The following INA variants were observed in gnomAD, a reference collection of about 807,000 sequenced individuals.
INA encodes alpha-internexin.
INA carries 35 observed loss-of-function variants against 40.1 expected under a neutral mutation model. The observed-to-expected ratio is 0.87, with a 90% CI of 0.67 to 1.16. INA has a LOEUF of 1.16. Ranked by LOEUF, INA falls within the 50% of genes most tolerant of loss-of-function variation. The pLI is 0.00. For missense variants in INA, 594 were observed against 686.7 expected (o/e 0.87, Z 1.51); for synonymous variants, 290 against 316.9 (o/e 0.92, Z 0.90).
intron 1 of INA, among the ~76,000 whole-genome samples, chr10:103,282,126 C>G (rs78247185): frequency 0.018 from 2,717 of 152,332 alleles, 88 homozygotes; most frequent in African/African-American, 0.058. Context: ...CAGCACACTT[C>G]CTTCTGAAAG....
At position 103,278,741 on chromosome 10, in the gene INA, C is replaced by T. The variant is rs2093066605; in HGVS notation, c.1065+465C>T. 6.6e-6 allele frequency among the ~76,000 whole-genome samples: 1 copy of T among 152,104 alleles called. No individual in the cohort carries two copies. The highest frequency in any genetic ancestry group is 1.5e-5 in the Non-Finnish European group (1 of 68,024). On this transcript the variant is annotated intron_variant, in intron 1 of 2. Coordinates refer to ENST00000369849, the MANE Select transcript of INA (RefSeq NM_032727.4). The surrounding 1 kb of genome is among the most constrained non-coding windows in gnomAD (Gnocchi z 4.9). ...CTGCTTCAGGGCTGAAGGAAGAATGCGATCCTGAACTGGGAAGAGTCCTAT... is the reference window on the plus strand; with the variant it reads ...CTGCTTCAGGGCTGAAGGAAGAATGTGATCCTGAACTGGGAAGAGTCCTAT...
intron 2 of INA, among the ~76,000 whole-genome samples, chr10:103,288,077 G>A (rs2093090620): frequency 6.6e-6 from 1 of 152,184 alleles, no homozygotes. Flanking sequence ...TGGCCAAGTG[G>A]AGTTGCAGGT....
In INA at chr10:103,288,457, A is replaced by C; in HGVS notation, c.1288A>C (p.Arg430=). The change falls in exon 3 of 3, where the codon AGA becomes CGA. Residue 430 remains arginine (R), a synonymous_variant. Coordinates refer to ENST00000369849, the MANE Select transcript of INA (RefSeq NM_032727.4). ...CAATCCAAGTTACCTGCTCCCACCTAGAATCCTCAGTGCTACAACCTCCAA... is the reference window on the plus strand; with the variant it reads ...CAATCCAAGTTACCTGCTCCCACCTCGAATCCTCAGTGCTACAACCTCCAA... The part of the protein sequence containing the change: ...LPNPSYLLPP[R]ILSATTSKVS... 6.2e-7 allele frequency: 1 copy of C among 1,614,134 alleles called. No homozygotes were observed. The highest frequency in any genetic ancestry group is 8.5e-7 in the Non-Finnish European group (1 of 1,180,036).
rs1337592387 is a variant in INA, at chr10:103,278,485, C to T, written c.1065+209C>T. 6.6e-6 allele frequency among the ~76,000 whole-genome samples: 1 copy of T among 152,194 alleles called. No homozygotes were observed. Among genetic ancestry groups the T allele is most frequent in the Non-Finnish European group, 1.5e-5 (1 of 68,042 alleles). ...CCTCATTTATGTCCCTGCCCCAGCC[C>T]TTCAAACAAAGAAGCCCTTAAATTT... On this transcript the variant is annotated intron_variant, in intron 1 of 2. Transcript: ENST00000369849. This position sits in a 1 kb window ranked among gnomAD's most constrained non-coding sequence, Gnocchi z 4.9.
intron 2 of INA, among the ~76,000 whole-genome samples, 199 bp from the exon 3 acceptor site, chr10:103,288,160 AG>A (rs74921257): frequency 7.6e-4 from 115 of 152,246 alleles, no homozygotes; most frequent in African/African-American, 2.5e-3. Flanking sequence ...CTGGTGCTGA[AG>A]GGGGGTGTGT....
In INA at chr10:103,277,889, C is replaced by T. The variant is rs533958856; in HGVS notation, c.678C>T (p.Phe226=). 6.5e-6 allele frequency: 10 copies of T among 1,550,262 alleles called. No individual in the cohort carries two copies. The highest frequency in any genetic ancestry group is 5.9e-5 in the Admixed American group (3 of 51,008). The change falls in exon 1 of 3, where the codon TTC becomes TTT. Residue 226 remains phenylalanine, a synonymous_variant. Transcript: ENST00000369849. This position sits in a 1 kb window ranked among gnomAD's most constrained non-coding sequence, Gnocchi z 5.6. The part of the protein sequence containing the change: ...KVESLLDELA[F]VRQVHDEEVA... ...AGTCGCTGCTGGACGAGCTGGCCTT[C>T]GTACGCCAGGTGCACGACGAGGAGG...
Position 103,278,244 on chromosome 10 carries a change from G to A in INA, c.1033G>A (p.Glu345Lys), listed in dbSNP as rs1373122482. Residue 345 changes from glutamate to lysine, a missense_variant, in exon 1 of 3, where the codon GAG (glutamate) becomes AAG (lysine). Glu to Lys is a moderately conservative substitution (Grantham distance 56). This residue lies in a region of INA where 379 missense variants were observed against 496.1 expected (regional missense o/e 0.76). Coordinates refer to ENST00000369849, the MANE Select transcript of INA (RefSeq NM_032727.4). This position sits in a 1 kb window ranked among gnomAD's most constrained non-coding sequence, Gnocchi z 4.9. ...SLERQILELE[E>K]RHSAEVAGYQ... ...GGAGAGGCAGATCCTGGAGCTGGAG[G>A]AGCGGCACAGTGCCGAGGTAGCTGG... The A allele has an allele frequency of 6.3e-7, 1 of 1,579,210 alleles. No homozygotes were observed. The highest frequency in any genetic ancestry group is 2.3e-5 in the East Asian group (1 of 42,950).
In INA at chr10:103,278,219, G is replaced by A; in HGVS notation, c.1008G>A (p.Leu336=). 6.3e-7 allele frequency: 1 copy of A among 1,598,078 alleles called. No individual in the cohort carries two copies. The change falls in exon 1 of 3, where the codon TTG becomes TTA. Residue 336 remains leucine (L), a synonymous_variant. Coordinates refer to ENST00000369849, the MANE Select transcript of INA (RefSeq NM_032727.4). The surrounding 1 kb of genome is among the most constrained non-coding windows in gnomAD (Gnocchi z 4.9). ...IEGLRGANES[L]ERQILELEER... ...GCCTGCGCGGGGCCAACGAGTCCTTGGAGAGGCAGATCCTGGAGCTGGAGG... is the reference window on the plus strand; with the variant it reads ...GCCTGCGCGGGGCCAACGAGTCCTTAGAGAGGCAGATCCTGGAGCTGGAGG...
rs750139852 is a variant in INA at position 103,277,626 on chromosome 10, G to A, written c.415G>A (p.Val139Ile). The A allele has an allele frequency of 1.9e-5, 28 of 1,479,480 alleles. No homozygotes were observed. The African/African-American group carries it at 3.8e-4, about 20-fold the overall frequency. The allele number at this position is 1,479,480 out of a possible 1,614,324, so 91.6% of individuals were successfully genotyped here. Reference protein sequence around the residue: ...LRQRHAEPSRVGELFQRELRD... With the variant: ...LRQRHAEPSRIGELFQRELRD... ...ACAGCGCCACGCTGAGCCGTCGCGC[G>A]TCGGCGAGCTCTTCCAGCGCGAGCT... The change falls in exon 1 of 3, where the codon GTC (valine) becomes ATC (isoleucine). Residue 139 changes from valine to isoleucine, a missense_variant. Val to Ile is a conservative substitution (Grantham distance 29, BLOSUM62 3). Transcript: ENST00000369849. This position sits in a 1 kb window ranked among gnomAD's most constrained non-coding sequence, Gnocchi z 5.6.
rs181412560 is a variant in INA, at chr10:103,286,888, G to A, written c.1066-147G>A. ...CCCAGAACCAGTGAATCTGGATCTG[G>A]ACTCAGGGACAGACCTGGATATAAG... On this transcript the variant is annotated intron_variant, in intron 1 of 2. Transcript: ENST00000369849. 4 of 704,690 alleles carry A rather than the reference G, an allele frequency of 5.7e-6. No individual in the cohort carries two copies. In the South Asian group the frequency reaches 6.9e-5, roughly 12 times the overall value. 43.7% of individuals were successfully genotyped at this position (704,690 alleles called of 1,614,324 possible). A position where few individuals can be genotyped will look rare whatever the true frequency, so the allele number is the denominator to read the frequency against.
chr10:103,283,625 C>T (rs2093077433), intron 1 of INA, among the ~76,000 whole-genome samples: 1 of 152,116 alleles, frequency 6.6e-6, no homozygotes, highest in Non-Finnish European at 1.5e-5. Flanking sequence ...GAAGTTTGTA[C>T]CCCCTGATGT....
chr10:103,280,064 G>T, intron 1 of INA: 1 of 1,246,904 alleles, frequency 8.0e-7, no homozygotes, highest in Non-Finnish European at 1.0e-6. Flanking sequence ...GCTTGTTATA[G>T]CCCATACATT....
At position 103,277,422 on chromosome 10, in the gene INA, G is replaced by A. The variant is rs756576893; in HGVS notation, c.211G>A (p.Ala71Thr). ...GLGLAYRRPP[A>T]SDGLDLSQAA... ...CGGCCTGGCCTATCGCCGGCCGCCG[G>A]CGTCCGACGGGCTGGACCTGAGCCA... is the stretch of plus-strand genomic sequence containing the variant. The change falls in exon 1 of 3, where the codon GCG (alanine) becomes ACG (threonine). Residue 71 changes from alanine to threonine, a missense_variant. Transcript: ENST00000369849. This position sits in a 1 kb window ranked among gnomAD's most constrained non-coding sequence, Gnocchi z 5.6. 2.6e-6 allele frequency: 4 copies of A among 1,562,160 alleles called. No individual in the cohort carries two copies. Among genetic ancestry groups the A allele is most frequent in the Non-Finnish European group, 3.4e-6 (4 of 1,160,198 alleles).
At chr10:103,282,634 GATT>G (rs751159615) in intron 1 of INA, among the ~76,000 whole-genome samples, 4 of 152,034 alleles carry the variant, frequency 2.6e-5, no homozygotes, top group Non-Finnish European at 5.9e-5. Flanking sequence ...TTTTAAAATT[GATT>G]ATTATCATGA....
intron 1 of INA, chr10:103,280,054 G>A: frequency 7.9e-7 from 1 of 1,270,510 alleles, no homozygotes; most frequent in African/African-American, 1.5e-5. Flanking sequence ...CATTTTCTCT[G>A]CTTGTTATAG....
chr10:103,279,898 A>G (rs1041487616), intron 1 of INA: 38 of 1,276,242 alleles, frequency 3.0e-5, no homozygotes, highest in African/African-American at 4.6e-5. Context: ...GATGGCCTGA[A>G]TTAATCACAT....
chr10:103,278,606 T>A lies in INA; in HGVS notation c.1065+330T>A, dbSNP rs1315467565. Among the ~76,000 whole-genome samples, 1 of 152,108 alleles carries A rather than the reference T, an allele frequency of 6.6e-6. No homozygotes were observed. Among genetic ancestry groups the A allele is most frequent in the African/African-American group, 2.4e-5 (1 of 41,432 alleles). On this transcript the variant is annotated intron_variant, in intron 1 of 2. Coordinates refer to ENST00000369849, the MANE Select transcript of INA (RefSeq NM_032727.4). This position sits in a 1 kb window ranked among gnomAD's most constrained non-coding sequence, Gnocchi z 4.9. ...AACAGTGCCCCACCCAAAGTAAGAC[T>A]GAGCCCAACGGGGCAGGTTACGTGG...
chr10:103,277,579 A>AGGCCGAGCT lies in INA; in HGVS notation c.374_382dup (p.Glu125_Ala127dup). On this transcript the variant is annotated inframe_insertion, in exon 1 of 3. Transcript: ENST00000369849. This position sits in a 1 kb window ranked among gnomAD's most constrained non-coding sequence, Gnocchi z 5.6. ...CTGGAGACGCAGAACCGCGCGTTGG[A>AGGCCGAGCT]GGCCGAGCTGGCCGCGCTGCGACAG... 1 of 1,565,598 alleles carries AGGCCGAGCT rather than the reference A, an allele frequency of 6.4e-7. No homozygotes were observed. Among genetic ancestry groups the AGGCCGAGCT allele is most frequent in the South Asian group, 1.2e-5 (1 of 86,906 alleles).
Position 103,282,140 on chromosome 10 carries a change from C to A in INA, c.1065+3864C>A, listed in dbSNP as rs1318236007. ...ACAGCACACTTCCTTCTGAAAGGAG[C>A]AAAGTTGTGCTTTTCTCTACAGTGA... On this transcript the variant is annotated intron_variant, in intron 1 of 2. Transcript: ENST00000369849. Among the ~76,000 whole-genome samples, 3 of 152,324 alleles carry A rather than the reference C, an allele frequency of 2.0e-5. No homozygotes were observed. In the East Asian group the frequency reaches 5.8e-4, roughly 29 times the overall value.
Sources: gnomAD v4.1 joint callset for allele counts (sites outside exome capture counted in the v4.1 genomes callset) on GRCh38, gnomAD v4.1.1 for gene constraint, gnomAD v4.1.1 regional missense constraint, Gnocchi (gnomAD v3.1) non-coding constraint, MANE v1.5 for transcripts, NCBI Gene and HGNC (gene_info 2026-07-23, HGNC 2026-07-21) for gene names.